PRKG2: variants seen among roughly 807,000 people sequenced by gnomAD.
PRKG2 encodes cGMP-dependent protein kinase 2.
In PRKG2, 33 loss-of-function variants were observed where a neutral mutation model predicts 97.2. The observed-to-expected ratio is 0.34, with a 90% CI of 0.26 to 0.45. The LOEUF (loss-of-function observed/expected upper bound fraction) is 0.45. Ranked by LOEUF, PRKG2 falls within the 20% of genes least tolerant of loss-of-function variation. PRKG2 has a pLI of 1.00. For missense variants in PRKG2, 638 were observed against 900.0 expected, an observed-to-expected ratio of 0.71 and a Z score of 3.73; for synonymous variants, 330 against 321.8, an observed-to-expected ratio of 1.03 and a Z score of -0.27.
intron 2 of PRKG2, among the ~76,000 whole-genome samples, chr4:81,189,573 G>A (rs1381172028): frequency 6.7e-6 from 1 of 149,800 alleles, no homozygotes; most frequent in Non-Finnish European, 1.5e-5. Context: ...AGAACACATG[G>A]ACACAGGAAG....
At chr4:81,099,059 T>G (rs1180243052) in intron 17 of PRKG2, among the ~76,000 whole-genome samples, 1 of 152,202 alleles carries the variant, frequency 6.6e-6, no homozygotes, top group Non-Finnish European at 1.5e-5. Flanking sequence ...AAAGATGTCA[T>G]TGTACCTTAC....
intron 10 of PRKG2, 110 bp from the exon 11 acceptor site, chr4:81,143,057 T>G: frequency 7.4e-7 from 1 of 1,349,724 alleles, no homozygotes; most frequent in Non-Finnish European, 9.8e-7. Context: ...TAACTATGAT[T>G]TATAGTTGCC....
intron 14 of PRKG2, among the ~76,000 whole-genome samples, chr4:81,112,947 C>A (rs1466445137): frequency 6.6e-6 from 1 of 152,072 alleles, no homozygotes; most frequent in African/African-American, 2.4e-5. Context: ...CCACTATATA[C>A]CAAAAAGACT....
At chr4:81,149,441 T>G (rs1748174028) in intron 8 of PRKG2, among the ~76,000 whole-genome samples, 1 of 152,190 alleles carries the variant, frequency 6.6e-6, no homozygotes, top group Non-Finnish European at 1.5e-5. Flanking sequence ...TACTTTCATT[T>G]CAAAGTGTAA....
chr4:81,149,502 T>C (rs1380605664), intron 8 of PRKG2, among the ~76,000 whole-genome samples: 2 of 152,276 alleles, frequency 1.3e-5, no homozygotes, highest in Middle Eastern at 3.4e-3. Flanking sequence ...GTCTTAAAAT[T>C]GATAAATTGT....
Position 81,137,455 on chromosome 4 carries a change from C to A in PRKG2, c.1572G>T (p.Lys524Asn), listed in dbSNP as rs1286809657. The change falls in exon 13 of 19, where the codon AAG becomes AAT. Residue 524 changes from lysine (K) to asparagine (N), a missense_variant. Lys to Asn is a moderately conservative substitution (Grantham distance 94). Transcript: ENST00000264399. The stretch of plus-strand genomic sequence containing the variant: ...AGGCCTCCAGAAGCATGTATACATA[C>A]TTATTGTCCTTGAAAGTACGATATA... ...VKLYRTFKDN[K>N]YVYMLLEACL... 3.7e-6 allele frequency: 6 copies of A among 1,611,982 alleles called. No homozygotes were observed. The highest frequency in any genetic ancestry group is 1.7e-4 in the Middle Eastern group (1 of 6,060).
chr4:81,166,888 T>C (rs1750034285), intron 6 of PRKG2, among the ~76,000 whole-genome samples: 1 of 152,156 alleles, frequency 6.6e-6, no homozygotes, highest in South Asian at 2.1e-4. Flanking sequence ...GGCAGGTTTG[T>C]TTTATAAGAT....
At chr4:81,111,618 T>C (rs1455911134) in intron 14 of PRKG2, among the ~76,000 whole-genome samples, 1 of 152,050 alleles carries the variant, frequency 6.6e-6, no homozygotes, top group East Asian at 1.9e-4. Flanking sequence ...CCCAGGGTAA[T>C]GAATCAGTGC....
At chr4:81,092,473 G>GAAGGAAGA in intron 17 of PRKG2, 21 bp from the exon 18 acceptor site, 1 of 632,840 alleles carries the variant, frequency 1.6e-6, no homozygotes, top group Non-Finnish European at 2.7e-6. Context: ...AGAAAGGAAG[G>GAAGGAAGA]AAGGAAGGAA....
At chr4:81,181,754 T>C (rs1353689421) in intron 2 of PRKG2, among the ~76,000 whole-genome samples, 2 of 151,968 alleles carry the variant, frequency 1.3e-5, no homozygotes, top group East Asian at 1.9e-4. Context: ...TAGTTAAAAA[T>C]TAAACTGCAT....
At chr4:81,209,178 A>G (rs1320311008) in intron 1 of PRKG2, among the ~76,000 whole-genome samples, 2 of 152,232 alleles carry the variant, frequency 1.3e-5, no homozygotes, top group Admixed American at 6.5e-5. Flanking sequence ...TAGAAGAGAC[A>G]TAAGAAAAGC....
intron 9 of PRKG2, among the ~76,000 whole-genome samples, chr4:81,146,833 G>A (rs758236928): frequency 6.6e-6 from 1 of 152,278 alleles, no homozygotes; most frequent in South Asian, 2.1e-4. Flanking sequence ...GAGCATTATT[G>A]TGGGATCTTA....
chr4:81,183,580 G>A (rs556391187), intron 2 of PRKG2, among the ~76,000 whole-genome samples: 89 of 152,174 alleles, frequency 5.8e-4, no homozygotes, highest in Middle Eastern at 3.4e-3. Flanking sequence ...GACAGACACT[G>A]AGCTAGCTGC....
chr4:81,203,209 G>GA (rs1753426384), intron 2 of PRKG2, among the ~76,000 whole-genome samples: 1 of 151,914 alleles, frequency 6.6e-6, no homozygotes, highest in Admixed American at 6.6e-5. Context: ...CATTAAAAAT[G>GA]ATTATTACTT....
At chr4:81,215,780 G>A (rs2110142644), upstream of PRKG2, among the ~76,000 whole-genome samples, 1 of 151,694 alleles carries the variant, frequency 6.6e-6, no homozygotes, top group Non-Finnish European at 1.5e-5. Flanking sequence ...GGGTTGAATC[G>A]AGTTTCGAGG....
At chr4:81,139,574 T>C (rs1013049444) in intron 12 of PRKG2, among the ~76,000 whole-genome samples, 2 of 150,910 alleles carry the variant, frequency 1.3e-5, no homozygotes, top group Non-Finnish European at 1.5e-5. Flanking sequence ...GAGACCGTCC[T>C]GGCTAACACG....
chr4:81,111,369 G>C (rs1376472951), intron 14 of PRKG2, among the ~76,000 whole-genome samples: 2 of 151,126 alleles, frequency 1.3e-5, no homozygotes, highest in African/African-American at 4.9e-5. Flanking sequence ...TCAGACTTCA[G>C]TGCATTAGCA....
chr4:81,171,650 G>T, intron 4 of PRKG2, 41 bp downstream of exon 4: 1 of 1,484,458 alleles, frequency 6.7e-7, no homozygotes, highest in Non-Finnish European at 9.3e-7. Flanking sequence ...TCTTTAACAT[G>T]CCACAACAAT....
At chr4:81,203,584 A>G (rs1033846122) in intron 2 of PRKG2, among the ~76,000 whole-genome samples, 2 of 152,158 alleles carry the variant, frequency 1.3e-5, no homozygotes, top group Non-Finnish European at 2.9e-5. Flanking sequence ...ATCGAGGCAA[A>G]AGATTTAATT....
Sources: gnomAD v4.1 joint callset for allele counts (sites outside exome capture counted in the v4.1 genomes callset) on GRCh38, gnomAD v4.1.1 for gene constraint, MANE v1.5 for transcripts, NCBI Gene and HGNC (gene_info 2026-07-23, HGNC 2026-07-21) for gene names.